Variants in TTC6 observed in about 807,000 individuals in gnomAD.
TTC6 encodes tetratricopeptide repeat protein 6.
TTC6 carries 172 observed loss-of-function variants against 210.4 expected under a neutral mutation model. The ratio of observed to expected loss-of-function variants is 0.82; its 90% CI spans 0.72 to 0.93. The LOEUF (loss-of-function observed/expected upper bound fraction) is 0.93, where lower values mean the gene tolerates loss of function less well. TTC6 is among the 40% of genes least tolerant of loss of function. The pLI is 0.00. For synonymous variants in TTC6, 804 were observed against 819.6 expected (o/e 0.98, Z 0.32); for missense variants, 2,414 against 2,318.1 (o/e 1.04, Z -0.85).
At chr14:37,801,665 A>G (rs989632015) in intron 20 of TTC6, among the ~76,000 whole-genome samples, 1 of 152,114 alleles carries the variant, frequency 6.6e-6, no homozygotes, top group Non-Finnish European at 1.5e-5. Context: ...GGCAGCTGGG[A>G]CCTGAGTGCA....
chr14:37,668,133 TAA>T (rs541177612), intron 1 of TTC6, among the ~76,000 whole-genome samples: 1 of 142,854 alleles, frequency 7.0e-6, no homozygotes, highest in Non-Finnish European at 1.6e-5. Context: ...AGACTTCATC[TAA>T]AAAAAAAAAA....
At chr14:37,655,846 A>G (rs746865767) in intron 1 of TTC6, among the ~76,000 whole-genome samples, 1 of 151,354 alleles carries the variant, frequency 6.6e-6, no homozygotes, top group Non-Finnish European at 1.5e-5. Flanking sequence ...ACATCTTTAG[A>G]CTTTTAACCA....
At chr14:37,738,326 T>C (rs564684181) in intron 9 of TTC6, among the ~76,000 whole-genome samples, 1 of 152,068 alleles carries the variant, frequency 6.6e-6, no homozygotes, top group East Asian at 1.9e-4. Context: ...TTGAATGGTA[T>C]TGTGTAGAAA....
At chr14:37,826,245 T>C (rs761725540) in exon 28 of TTC6, 4 of 1,611,930 alleles carry the variant, frequency 2.5e-6, no homozygotes, top group Non-Finnish European at 2.5e-6. Flanking sequence ...TTGCCATAGA[T>C]ACTGATCCAA....
chr14:37,823,418 G>A (rs1004968050), intron 26 of TTC6, among the ~76,000 whole-genome samples: 12 of 152,202 alleles, frequency 7.9e-5, no homozygotes, highest in South Asian at 2.1e-4. Flanking sequence ...TTCTATACTG[G>A]TAATTGATAC....
chr14:37,801,114 C>T (rs1015119224), intron 20 of TTC6, among the ~76,000 whole-genome samples: 2 of 152,184 alleles, frequency 1.3e-5, no homozygotes, highest in Non-Finnish European at 2.9e-5. Context: ...ACCAGAATAT[C>T]TGTGGATATT....
Position 37,738,763 on chromosome 14 carries a change from C to T in TTC6, c.1984-13C>T, listed in dbSNP as rs1465915870. On this transcript the variant is annotated splice_polypyrimidine_tract_variant and intron_variant, in intron 9 of 30. Transcript: ENST00000553443. Reference sequence around the variant, plus strand: ...ATTTTACGTTTTTTCTACCTCTTTGCTTGCTTACTAAGCGAGTAAAATCTT... The same window carrying T: ...ATTTTACGTTTTTTCTACCTCTTTGTTTGCTTACTAAGCGAGTAAAATCTT... The T allele has an allele frequency of 2.1e-6, 3 of 1,441,174 alleles. No homozygotes were observed. In the Admixed American group the frequency reaches 8.8e-5, roughly 42 times the overall value. The allele number at this position is 1,441,174 out of a possible 1,614,324, so 89.3% of individuals were successfully genotyped here. A position where few individuals can be genotyped will look rare whatever the true frequency, so the allele number is the denominator to read the frequency against.
intron 10 of TTC6, among the ~76,000 whole-genome samples, chr14:37,747,503 TGTATA>T (rs1178704496): frequency 2.0e-5 from 3 of 152,126 alleles, no homozygotes; most frequent in Non-Finnish European, 2.9e-5. Flanking sequence ...AGAAAAGAGT[TGTATA>T]GTAATGGTTT....
chr14:37,708,489 C>T (rs554403583), intron 5 of TTC6, among the ~76,000 whole-genome samples: 16 of 152,146 alleles, frequency 1.1e-4, no homozygotes, highest in African/African-American at 2.2e-4. Flanking sequence ...TAGCTAGTAA[C>T]GGCTGGGATT....
intron 10 of TTC6, among the ~76,000 whole-genome samples, chr14:37,745,037 CGT>C (rs956725971): frequency 6.6e-6 from 1 of 151,932 alleles, no homozygotes; most frequent in Non-Finnish European, 1.5e-5. Flanking sequence ...CATATACACA[CGT>C]ACACATATAT....
At chr14:37,682,198 T>A (rs1291211922) in intron 2 of TTC6, among the ~76,000 whole-genome samples, 2 of 151,720 alleles carry the variant, frequency 1.3e-5, no homozygotes, top group African/African-American at 4.8e-5. Context: ...TGATGACCAG[T>A]GACAAAAATG....
chr14:37,818,344 A>G (rs2096147195), intron 26 of TTC6, among the ~76,000 whole-genome samples: 1 of 152,138 alleles, frequency 6.6e-6, no homozygotes, highest in South Asian at 2.1e-4. Context: ...CTACATATAT[A>G]TTTTACATCA....
At chr14:37,749,114 C>T in exon 11 of TTC6, 1 of 1,535,632 alleles carries the variant, frequency 6.5e-7, no homozygotes. Context: ...TCTTGATAGG[C>T]TCATTGAGTA....
intron 1 of TTC6, among the ~76,000 whole-genome samples, chr14:37,646,979 T>C (rs906845546): frequency 6.6e-6 from 1 of 152,216 alleles, no homozygotes; most frequent in Non-Finnish European, 1.5e-5. Context: ...CTTTGTTTTG[T>C]GGGACTGCCC....
At chr14:37,736,801 C>A (rs1467532808) in intron 8 of TTC6, among the ~76,000 whole-genome samples, 1 of 152,152 alleles carries the variant, frequency 6.6e-6, no homozygotes, top group Non-Finnish European at 1.5e-5. Context: ...ATCTACCAGG[C>A]TGGAGTACAG....
exon 1 of TTC6, chr14:37,622,659 A>G: frequency 2.6e-6 from 4 of 1,535,160 alleles, no homozygotes; most frequent in South Asian, 2.4e-5. Flanking sequence ...AGGGCCCTGC[A>G]TGGCCAAAGA....
At chr14:37,632,060 A>G (rs1203464399) in intron 1 of TTC6, among the ~76,000 whole-genome samples, 2 of 152,038 alleles carry the variant, frequency 1.3e-5, no homozygotes, top group African/African-American at 2.4e-5. Context: ...GGGTTAGAAC[A>G]TGTTCCTTTA....
chr14:37,802,935 G>A (rs747685470), intron 20 of TTC6, among the ~76,000 whole-genome samples: 17 of 152,026 alleles, frequency 1.1e-4, no homozygotes, highest in Non-Finnish European at 2.1e-4. Context: ...GTTTCACCAT[G>A]TTGGCCAGGC....
At chr14:37,816,133 A>T (rs2096141129) in intron 25 of TTC6, among the ~76,000 whole-genome samples, 1 of 152,004 alleles carries the variant, frequency 6.6e-6, no homozygotes, top group Non-Finnish European at 1.5e-5. Flanking sequence ...TAATTAAAAA[A>T]ATTTTCTTCC....
Sources: gnomAD v4.1 joint callset for allele counts (sites outside exome capture counted in the v4.1 genomes callset) on GRCh38, gnomAD v4.1.1 for gene constraint, MANE v1.5 for transcripts, NCBI Gene and HGNC (gene_info 2026-07-23, HGNC 2026-07-21) for gene names.